Variants in CEP135 observed in about 807,000 individuals in gnomAD.
CEP135 encodes the protein centrosomal protein of 135 kDa.
Under a neutral mutation model 157.3 loss-of-function variants are expected in CEP135, and 142 were observed. The observed-to-expected ratio is 0.90, with a 90% CI of 0.79 to 1.04. The LOEUF (loss-of-function observed/expected upper bound fraction) is 1.04. Among genes scored for constraint, CEP135 ranks in the 50% least tolerant of loss-of-function variants. The pLI, the probability that CEP135 is intolerant of heterozygous loss-of-function variation, is 0.00. For synonymous variants in CEP135, 396 were observed against 439.8 expected (o/e 0.90, Z 1.25); for missense variants, 1,317 against 1,309.2 (o/e 1.01, Z -0.09).
intron 21 of CEP135, among the ~76,000 whole-genome samples, chr4:56,017,175 A>G (rs1262172452): frequency 6.6e-6 from 1 of 152,040 alleles, no homozygotes; most frequent in Non-Finnish European, 1.5e-5. Context: ...GTTGTTTACT[A>G]TTTATTTAAG....
At position 55,976,246 on chromosome 4, in the gene CEP135, A is replaced by AAAG. The variant is rs1553890405; in HGVS notation, c.1473+1279_1473+1280insGAA. Among the ~76,000 whole-genome samples, 313 of 150,972 alleles carry AAAG rather than the reference A, an allele frequency of 2.1e-3. 1 individual carries two copies. The highest frequency in any genetic ancestry group is 7.4e-3 in the African/African-American group (301 of 40,632). ...TCCAGCCTGGGTGACAAAAAAAAAA[A>AAAG]AAAGAAAGAAAGAAAGAAAGAAAAA... On this transcript the variant is annotated intron_variant, in intron 11 of 25. Coordinates refer to ENST00000257287, the MANE Select transcript of CEP135 (RefSeq NM_025009.5).
intron 22 of CEP135, among the ~76,000 whole-genome samples, chr4:56,018,899 G>T (rs1730875104): frequency 6.6e-6 from 1 of 152,096 alleles, no homozygotes; most frequent in African/African-American, 2.4e-5. Context: ...TTTCCCAGAT[G>T]GAGGCATTAC....
chr4:55,998,796 C>T (rs1730062976), intron 15 of CEP135, among the ~76,000 whole-genome samples: 3 of 152,034 alleles, frequency 2.0e-5, no homozygotes, highest in Admixed American at 2.0e-4. Context: ...GCCCAGGAGG[C>T]GGAGGTTGCA....
intron 9 of CEP135, 146 bp downstream of exon 9, chr4:55,969,274 A>C (rs774300915): frequency 2.2e-5 from 13 of 598,534 alleles, no homozygotes; most frequent in Non-Finnish European, 3.8e-5. Flanking sequence ...TAAAAATACA[A>C]AAATTAGCTG....
intron 8 of CEP135, among the ~76,000 whole-genome samples, chr4:55,967,427 C>G (rs1351459435): frequency 6.6e-6 from 1 of 152,072 alleles, no homozygotes. Context: ...TTTTTTATAT[C>G]TTGAGACAGT....
chr4:55,962,297 T>G (rs1728707290), intron 6 of CEP135, among the ~76,000 whole-genome samples: 1 of 152,184 alleles, frequency 6.6e-6, no homozygotes, highest in Non-Finnish European at 1.5e-5. Flanking sequence ...AGACAGGGTT[T>G]AACTGTGTTA....
At chr4:55,983,232 C>G (rs1729469768) in intron 13 of CEP135, among the ~76,000 whole-genome samples, 1 of 152,158 alleles carries the variant, frequency 6.6e-6, no homozygotes, top group Non-Finnish European at 1.5e-5. Flanking sequence ...TTTTCCATAT[C>G]TTTTGAAATG....
At chr4:56,017,210 T>C (rs941873165) in intron 21 of CEP135, among the ~76,000 whole-genome samples, 2 of 152,246 alleles carry the variant, frequency 1.3e-5, no homozygotes, top group African/African-American at 2.4e-5. Flanking sequence ...TCCAGGTATA[T>C]AGTTTTGAAG....
Position 56,019,415 on chromosome 4 carries a change from T to C in CEP135, c.3075T>C (p.Asn1025=), listed in dbSNP as rs61753870. ...ESDLLKKQLS[N]ERHTVKNLES... ...ACCTACTGAAAAAACAACTTTCAAA[T>C]GAGAGACATACAGTTAAAAACCTCG... Residue 1025 remains asparagine (N), a synonymous_variant, in exon 23 of 26, where the codon AAT becomes AAC. Coordinates refer to ENST00000257287, the MANE Select transcript of CEP135 (RefSeq NM_025009.5). 0.028 allele frequency: 45,233 copies of C among 1,613,844 alleles called. 836 individuals carry two copies. Among genetic ancestry groups the C allele is most frequent in the Admixed American group, 0.089 (5,324 of 59,984 alleles).
At chr4:55,973,536 G>C (rs1729094864) in intron 10 of CEP135, among the ~76,000 whole-genome samples, 1 of 152,112 alleles carries the variant, frequency 6.6e-6, no homozygotes, top group Non-Finnish European at 1.5e-5. Context: ...CTTATAAAGG[G>C]CCGGTGGCTC....
chr4:56,011,165 G>A (rs945865604), intron 19 of CEP135, among the ~76,000 whole-genome samples: 1 of 152,118 alleles, frequency 6.6e-6, no homozygotes, highest in Non-Finnish European at 1.5e-5. Flanking sequence ...AGCCCAGAAG[G>A]TCGAGGCTGC....
At chr4:56,005,905 T>C (rs1730332794) in intron 17 of CEP135, among the ~76,000 whole-genome samples, 1 of 152,182 alleles carries the variant, frequency 6.6e-6, no homozygotes, top group South Asian at 2.1e-4. Context: ...ACTTTGAAAA[T>C]GATAGTCTAC....
intron 22 of CEP135, among the ~76,000 whole-genome samples, chr4:56,018,316 A>G (rs1730852439): frequency 6.6e-6 from 1 of 152,184 alleles, no homozygotes; most frequent in Admixed American, 6.5e-5. Context: ...TTTGACAACC[A>G]GATTTGACTG....
At chr4:55,969,604 G>T (rs1419491357) in intron 9 of CEP135, among the ~76,000 whole-genome samples, 1 of 151,912 alleles carries the variant, frequency 6.6e-6, no homozygotes, top group Non-Finnish European at 1.5e-5. Context: ...TATTTACAAG[G>T]TTCATGCATG....
At chr4:55,967,624 A>G (rs1728882944) in intron 8 of CEP135, among the ~76,000 whole-genome samples, 1 of 152,232 alleles carries the variant, frequency 6.6e-6, no homozygotes. Flanking sequence ...CCTTAGAACT[A>G]TGTGCATACC....
chr4:56,024,408 T>A, intron 24 of CEP135, 93 bp from the exon 25 acceptor site: 1 of 806,720 alleles, frequency 1.2e-6, no homozygotes, highest in African/African-American at 1.7e-5. Flanking sequence ...AGTAATTTAT[T>A]ACAAATTAGC....
chr4:55,998,477 T>C (rs978605840), intron 15 of CEP135, among the ~76,000 whole-genome samples: 1 of 152,178 alleles, frequency 6.6e-6, no homozygotes, highest in Non-Finnish European at 1.5e-5. Flanking sequence ...CTGAACCAAG[T>C]CTTCAATCTG....
intron 17 of CEP135, among the ~76,000 whole-genome samples, chr4:56,004,423 T>C (rs1730281963): frequency 6.6e-6 from 1 of 152,352 alleles, no homozygotes; most frequent in East Asian, 1.9e-4. Context: ...GTTGGGCATA[T>C]TTGTCTAGTG....
chr4:56,013,019 A>G (rs1730644208), intron 21 of CEP135, among the ~76,000 whole-genome samples: 1 of 152,194 alleles, frequency 6.6e-6, no homozygotes, highest in Admixed American at 6.5e-5. Flanking sequence ...CCAGCAATGC[A>G]CGAGGGTTCC....
Sources: allele counts gnomAD v4.1 joint callset (sites outside exome capture counted in the v4.1 genomes callset), GRCh38; gene constraint gnomAD v4.1.1; transcripts MANE v1.5; gene names NCBI Gene and HGNC (gene_info 2026-07-23, HGNC 2026-07-21).